TRPM3: variants seen among roughly 807,000 people sequenced by gnomAD.
TRPM3 encodes transient receptor potential cation channel subfamily M member 3.
Under a neutral mutation model 181.2 loss-of-function variants are expected in TRPM3, and 77 were observed. The observed-to-expected ratio is 0.42, with a 90% CI of 0.35 to 0.51. The LOEUF is 0.51. Ranked by LOEUF, TRPM3 falls within the 20% of genes least tolerant of loss-of-function variation. The probability of loss-of-function intolerance (pLI) is 0.01; values close to 1 mark genes in which losing one functional copy is unlikely to be tolerated. For synonymous variants in TRPM3, 745 were observed against 796.4 expected, an observed-to-expected ratio of 0.94 and a Z score of 1.09; for missense variants, 1,759 against 2,196.7, an observed-to-expected ratio of 0.80 and a Z score of 3.98.
At chr9:71,160,066 C>T (rs10868964) in intron 1 of TRPM3, among the ~76,000 whole-genome samples, 32,746 of 151,962 alleles carry the variant, frequency 0.22, 4,112 homozygotes, top group East Asian at 0.31. Context: ...GTATTTCTGA[C>T]TCCTCTTCTA....
At chr9:70,954,962 C>T (rs2097050900) in intron 1 of TRPM3, among the ~76,000 whole-genome samples, 1 of 152,036 alleles carries the variant, frequency 6.6e-6, no homozygotes, top group South Asian at 2.1e-4. Context: ...GAAGATTTTG[C>T]CAGGGGCTTT....
intron 1 of TRPM3, among the ~76,000 whole-genome samples, chr9:70,981,479 C>G (rs114557278): frequency 1.3e-3 from 199 of 152,256 alleles, no homozygotes; most frequent in African/African-American, 4.5e-3. Context: ...GAGACATTTG[C>G]AGAATGAATT....
At chr9:70,678,278 CT>C (rs1018223581) in intron 9 of TRPM3, among the ~76,000 whole-genome samples, 1 of 151,936 alleles carries the variant, frequency 6.6e-6, no homozygotes, top group East Asian at 1.9e-4. Context: ...TCTTTCTTTT[CT>C]TTTTTTTGGA....
At chr9:70,824,434 TA>T (rs1277475078) in intron 6 of TRPM3, 4 of 151,614 alleles carry the variant, frequency 2.6e-5, no homozygotes, top group Non-Finnish European at 3.0e-5. Context: ...TTTTTTATTT[TA>T]TTTTTTTTTT....
At chr9:71,407,275 A>G (rs1342412379) in intron 1 of TRPM3, among the ~76,000 whole-genome samples, 1 of 152,158 alleles carries the variant, frequency 6.6e-6, no homozygotes, top group Non-Finnish European at 1.5e-5. Flanking sequence ...ACAGTGGGGC[A>G]TCATCTCACC....
intron 8 of TRPM3, among the ~76,000 whole-genome samples, chr9:70,740,956 A>C (rs2073952663): frequency 6.6e-6 from 1 of 152,210 alleles, no homozygotes; most frequent in Non-Finnish European, 1.5e-5. Flanking sequence ...AACAAAGATG[A>C]ATAGATGGGA....
intron 1 of TRPM3, among the ~76,000 whole-genome samples, chr9:71,156,985 CA>C (rs1271266136): frequency 3.3e-5 from 5 of 152,088 alleles, no homozygotes; most frequent in African/African-American, 1.2e-4. Context: ...CTTGGGATAT[CA>C]ATGTTCCAGT....
intron 1 of TRPM3, among the ~76,000 whole-genome samples, chr9:70,922,166 A>T (rs1390942297): frequency 6.6e-6 from 1 of 152,178 alleles, no homozygotes; most frequent in Non-Finnish European, 1.5e-5. Flanking sequence ...CATAGATTGA[A>T]CAACCATTTT....
chr9:70,545,548 C>CTTTCT lies in TRPM3; in HGVS notation c.3707+3993_3707+3994insAGAAA, dbSNP rs778185642. The stretch of plus-strand genomic sequence containing the variant: ...AGAGAAAAGAATTTTAATTTTCTTT[C>CTTTCT]TTTTTTTTTTTTTTTTGAAGTGGAG... On this transcript the variant is annotated intron_variant, in intron 25 of 25. Transcript: ENST00000677713. Among the ~76,000 whole-genome samples, 361 of 113,334 alleles carry CTTTCT rather than the reference C, an allele frequency of 3.2e-3. 9 individuals carry two copies. Among genetic ancestry groups the CTTTCT allele is most frequent in the African/African-American group, 0.011 (339 of 30,942 alleles). 74.4% of individuals were successfully genotyped at this position (113,334 alleles called of 152,430 possible). A position where few individuals can be genotyped will look rare whatever the true frequency, so the allele number is the denominator to read the frequency against.
At chr9:71,411,072 T>C (rs972895846) in intron 1 of TRPM3, among the ~76,000 whole-genome samples, 25 of 152,318 alleles carry the variant, frequency 1.6e-4, no homozygotes, top group Admixed American at 7.8e-4. Flanking sequence ...CTAAAAACTC[T>C]CATTAAACTA....
chr9:70,541,962 A>G (rs1351691553), intron 25 of TRPM3, among the ~76,000 whole-genome samples: 1 of 152,174 alleles, frequency 6.6e-6, no homozygotes, highest in Non-Finnish European at 1.5e-5. Flanking sequence ...GTTTCTACGA[A>G]AATAAAAAAT....
chr9:70,804,096 C>T (rs1202427545), intron 6 of TRPM3, among the ~76,000 whole-genome samples: 4 of 151,830 alleles, frequency 2.6e-5, no homozygotes, highest in South Asian at 2.1e-4. Context: ...TTTGGGAGGC[C>T]GAGGCGGGTG....
intron 5 of TRPM3, among the ~76,000 whole-genome samples, chr9:70,838,502 G>A (rs886248026): frequency 6.6e-6 from 1 of 152,176 alleles, no homozygotes; most frequent in Non-Finnish European, 1.5e-5. Flanking sequence ...CCCCTGGTCT[G>A]TGGCATTTTG....
At chr9:71,438,362 T>A (rs1407232315) in intron 1 of TRPM3, among the ~76,000 whole-genome samples, 1 of 152,124 alleles carries the variant, frequency 6.6e-6, no homozygotes, top group African/African-American at 2.4e-5. Context: ...GATAATAGTG[T>A]TACAGTTTTG....
At chr9:70,686,608 C>CCTT (rs2066868201) in intron 8 of TRPM3, among the ~76,000 whole-genome samples, 1 of 48,802 alleles carries the variant, frequency 2.0e-5, no homozygotes, top group Admixed American at 2.0e-4. Flanking sequence ...CTCCCTCCCT[C>CCTT]CCGCCCTTCC....
intron 1 of TRPM3, among the ~76,000 whole-genome samples, chr9:71,340,801 T>G (rs1204069186): frequency 6.6e-6 from 1 of 152,106 alleles, no homozygotes; most frequent in Admixed American, 6.6e-5. Context: ...TTTTTGTTTC[T>G]TACTACCATT....
intron 1 of TRPM3, among the ~76,000 whole-genome samples, chr9:71,316,991 T>C (rs968710270): frequency 6.6e-6 from 1 of 152,182 alleles, no homozygotes; most frequent in Non-Finnish European, 1.5e-5. Context: ...TTCCTAACTT[T>C]TTGAGGCATG....
Position 71,121,371 on chromosome 9 carries a change from C to T in TRPM3, c.-17G>A, listed in dbSNP as rs751961616. Reference sequence around the variant, plus strand: ...CTCTGGCATCCCATGGTCATCTCCACACCTGCAAATTCCATTAGGGCAGAG... The same window carrying T: ...CTCTGGCATCCCATGGTCATCTCCATACCTGCAAATTCCATTAGGGCAGAG... On this transcript the variant is annotated 5_prime_UTR_variant, in exon 1 of 26. In the 5' UTR this introduces an upstream ATG that the reference lacks. Coordinates refer to ENST00000677713, the MANE Select transcript of TRPM3 (RefSeq NM_001366145.2). 1.2e-6 allele frequency: 2 copies of T among 1,611,944 alleles called. No individual in the cohort carries two copies. The highest frequency in any genetic ancestry group is 1.7e-5 in the Admixed American group (1 of 59,808).
chr9:70,547,621 G>T (rs1475522520), intron 25 of TRPM3, among the ~76,000 whole-genome samples: 1 of 151,638 alleles, frequency 6.6e-6, no homozygotes, highest in Non-Finnish European at 1.5e-5. Flanking sequence ...GCAGAATGAA[G>T]CCTGGCTTAG....
Sources: allele counts gnomAD v4.1 joint callset (sites outside exome capture counted in the v4.1 genomes callset), GRCh38; gene constraint gnomAD v4.1.1; transcripts MANE v1.5; gene names NCBI Gene and HGNC (gene_info 2026-07-23, HGNC 2026-07-21).